The following CNTNAP5 variants were observed in gnomAD, a reference collection of about 807,000 sequenced individuals.
The protein encoded by CNTNAP5 is contactin associated protein family member 5.
A neutral mutation model predicts 150.2 loss-of-function variants in CNTNAP5; 72 were observed. The observed-to-expected ratio is 0.48, with a 90% CI of 0.40 to 0.58. The LOEUF (loss-of-function observed/expected upper bound fraction) is 0.58. CNTNAP5 is among the 20% of genes least tolerant of loss of function. The probability of loss-of-function intolerance (pLI) is 0.00; values close to 1 mark genes in which losing one functional copy is unlikely to be tolerated. For missense variants in CNTNAP5, 1,636 were observed against 1,626.2 expected (o/e 1.01, Z -0.10); for synonymous variants, 672 against 619.8 (o/e 1.08, Z -1.25).
intron 17 of CNTNAP5, among the ~76,000 whole-genome samples, chr2:124,777,215 T>C (rs997259817): frequency 1.9e-4 from 29 of 152,120 alleles, no homozygotes; most frequent in African/African-American, 6.5e-4. Flanking sequence ...AATCAGGTTC[T>C]TGTAGCTTGA....
intron 3 of CNTNAP5, among the ~76,000 whole-genome samples, chr2:124,272,208 G>T (rs1211666895): frequency 1.3e-5 from 2 of 152,090 alleles, no homozygotes; most frequent in African/African-American, 4.8e-5. Context: ...CAGCAAAGAA[G>T]CTTATTTCTG....
intron 1 of CNTNAP5, among the ~76,000 whole-genome samples, chr2:124,201,330 C>T (rs1685721923): frequency 6.6e-6 from 1 of 152,198 alleles, no homozygotes; most frequent in Non-Finnish European, 1.5e-5. Flanking sequence ...ATCAATCACT[C>T]AGTGAGTCAG....
intron 1 of CNTNAP5, among the ~76,000 whole-genome samples, chr2:124,157,889 A>G (rs1182646549): frequency 6.6e-6 from 1 of 152,210 alleles, no homozygotes; most frequent in Non-Finnish European, 1.5e-5. Flanking sequence ...TGCCTCTGAC[A>G]AGTTTATATG....
At chr2:124,666,690 C>T (rs989523890) in intron 13 of CNTNAP5, among the ~76,000 whole-genome samples, 6 of 152,126 alleles carry the variant, frequency 3.9e-5, no homozygotes, top group African/African-American at 1.4e-4. Flanking sequence ...CCACTATGCA[C>T]TGTTGACATA....
intron 10 of CNTNAP5, among the ~76,000 whole-genome samples, chr2:124,550,942 G>A (rs1209000130): frequency 2.0e-5 from 3 of 152,080 alleles, no homozygotes; most frequent in Non-Finnish European, 4.4e-5. Flanking sequence ...ATATTAGTAT[G>A]CATGATGCTG....
At chr2:124,635,269 C>A (rs1397095958) in intron 12 of CNTNAP5, among the ~76,000 whole-genome samples, 1 of 152,070 alleles carries the variant, frequency 6.6e-6, no homozygotes, top group African/African-American at 2.4e-5. Flanking sequence ...AGGCTACACA[C>A]TTTTAAACAA....
At chr2:124,461,752 G>A (rs902097920) in intron 6 of CNTNAP5, among the ~76,000 whole-genome samples, 3 of 151,614 alleles carry the variant, frequency 2.0e-5, no homozygotes, top group African/African-American at 7.3e-5. Flanking sequence ...AACTACTCGG[G>A]AGGCTGAGGC....
chr2:124,592,541 GA>G (rs542502470), intron 11 of CNTNAP5, among the ~76,000 whole-genome samples: 155 of 145,444 alleles, frequency 1.1e-3, no homozygotes, highest in Non-Finnish European at 2.0e-3. Flanking sequence ...TTGCTTATAG[GA>G]AAAAAAAATG....
intron 21 of CNTNAP5, among the ~76,000 whole-genome samples, chr2:124,891,504 G>A (rs1678194144): frequency 6.6e-6 from 1 of 152,030 alleles, no homozygotes; most frequent in Admixed American, 6.6e-5. Flanking sequence ...ACAATATGCA[G>A]GCACTATATT....
chr2:124,090,769 T>G (rs1257824230), intron 1 of CNTNAP5, among the ~76,000 whole-genome samples: 1 of 152,184 alleles, frequency 6.6e-6, no homozygotes, highest in Non-Finnish European at 1.5e-5. Context: ...AAGGAAAACT[T>G]TTTCAAACCA....
intron 4 of CNTNAP5, among the ~76,000 whole-genome samples, chr2:124,419,154 A>AAAAAAAAAC (rs1692015627): frequency 1.5e-5 from 1 of 65,444 alleles, no homozygotes; most frequent in Non-Finnish European, 2.7e-5. Flanking sequence ...AAAAAAAAAA[A>AAAAAAAAAC]AAAAAAAAAC....
At chr2:124,195,366 C>T (rs1685558089) in intron 1 of CNTNAP5, among the ~76,000 whole-genome samples, 1 of 152,054 alleles carries the variant, frequency 6.6e-6, no homozygotes, top group Non-Finnish European at 1.5e-5. Context: ...TGCAGTGAAC[C>T]CCCTTGCGCA....
chr2:124,305,351 G>T (rs1219283464), intron 3 of CNTNAP5, among the ~76,000 whole-genome samples: 1 of 152,084 alleles, frequency 6.6e-6, no homozygotes, highest in Non-Finnish European at 1.5e-5. Flanking sequence ...TTTCACAGAG[G>T]TAATGCTGGT....
intron 12 of CNTNAP5, among the ~76,000 whole-genome samples, chr2:124,620,518 T>C (rs897848467): frequency 6.6e-6 from 1 of 152,130 alleles, no homozygotes; most frequent in African/African-American, 2.4e-5. Context: ...AAATATGATT[T>C]GGAGTCACAC....
rs1352942654 is a variant in CNTNAP5, at chr2:124,790,063, G to T, written c.2914G>T (p.Gly972Cys). ...CTACGGCAGCATCTGCCACAACGGG[G>T]GCAAGTGTGTGGAGAAGCACAATGG... is the stretch of plus-strand genomic sequence containing the variant. ...SSYGSICHNG[G>C]KCVEKHNGYL... Residue 972 changes from glycine (G) to cysteine (C), a missense_variant, in exon 18 of 24, where the codon GGC becomes TGC. Coordinates refer to ENST00000682447, the MANE Select transcript of CNTNAP5 (RefSeq NM_001367498.1). The T allele has an allele frequency of 3.1e-6, 5 of 1,613,774 alleles. No individual in the cohort carries two copies. The Admixed American group carries it at 8.3e-5, about 27-fold the overall frequency.
intron 9 of CNTNAP5, among the ~76,000 whole-genome samples, chr2:124,525,279 A>G (rs957370840): frequency 1.3e-5 from 2 of 152,338 alleles, no homozygotes; most frequent in African/African-American, 2.4e-5. Flanking sequence ...TGAGAAAGAT[A>G]CTTATAGTCC....
chr2:124,290,608 A>G (rs1401115086), intron 3 of CNTNAP5, among the ~76,000 whole-genome samples: 3 of 152,208 alleles, frequency 2.0e-5, no homozygotes, highest in Admixed American at 6.5e-5. Context: ...CTCACCGAAC[A>G]GAATAGTTCT....
intron 8 of CNTNAP5, among the ~76,000 whole-genome samples, chr2:124,510,348 A>AACACACACACACAC (rs3039130): frequency 0.017 from 1,159 of 68,264 alleles, 36 homozygotes; most frequent in Non-Finnish European, 0.022. Context: ...TCCATATGTC[A>AACACACACACACAC]ACACACACAC....
chr2:124,544,221 G>A (rs921621212), intron 10 of CNTNAP5, among the ~76,000 whole-genome samples: 1 of 152,148 alleles, frequency 6.6e-6, no homozygotes, highest in African/African-American at 2.4e-5. Context: ...AGGCTAGTTA[G>A]TGCTTGGACT....
Sources: allele counts gnomAD v4.1 joint callset (sites outside exome capture counted in the v4.1 genomes callset), GRCh38; gene constraint gnomAD v4.1.1; transcripts MANE v1.5; gene names NCBI Gene and HGNC (gene_info 2026-07-23, HGNC 2026-07-21).